GPR107: variants seen among roughly 807,000 people sequenced by gnomAD.
The protein encoded by GPR107 is protein GPR107.
In GPR107, 31 loss-of-function variants were observed where a neutral mutation model predicts 75.5. That is an observed-to-expected ratio of 0.41 (90% CI 0.31 to 0.55). GPR107 has a LOEUF of 0.55. Ranked by LOEUF, GPR107 falls within the 20% of genes least tolerant of loss-of-function variation. GPR107 has a pLI of 0.26. For synonymous variants in GPR107, 267 were observed against 251.3 expected, an observed-to-expected ratio of 1.06 and a Z score of -0.59; for missense variants, 572 against 665.7, an observed-to-expected ratio of 0.86 and a Z score of 1.55.
intron 15 of GPR107, 149 bp from the exon 16 acceptor site, chr9:130,127,334 C>T (rs1831712938): frequency 9.6e-6 from 6 of 625,950 alleles, no homozygotes; most frequent in African/African-American, 1.8e-5. Context: ...CTCTCCGCTG[C>T]ACGTATTAAT....
intron 14 of GPR107, among the ~76,000 whole-genome samples, chr9:130,110,039 C>T (rs115319483): frequency 0.019 from 2,937 of 152,268 alleles, 96 homozygotes; most frequent in African/African-American, 0.067. Context: ...TTTGCTCGAT[C>T]CTGCCCGTTG....
chr9:130,092,883 T>C (rs962279967), intron 9 of GPR107, among the ~76,000 whole-genome samples: 2 of 152,182 alleles, frequency 1.3e-5, no homozygotes, highest in Non-Finnish European at 2.9e-5. Context: ...CCTCCCAAAG[T>C]GCTGGGATTA....
intron 7 of GPR107, among the ~76,000 whole-genome samples, chr9:130,089,335 T>C (rs1439664887): frequency 1.3e-5 from 2 of 152,062 alleles, no homozygotes; most frequent in Non-Finnish European, 2.9e-5. Flanking sequence ...ATCCGCAGGG[T>C]TCTTGGGATG....
chr9:130,061,642 A>G (rs1829928863), intron 1 of GPR107, among the ~76,000 whole-genome samples: 1 of 152,148 alleles, frequency 6.6e-6, no homozygotes, highest in Admixed American at 6.6e-5. Flanking sequence ...AGACTGGAAG[A>G]GTAAGAATTA....
At chr9:130,104,675 T>C (rs1831120105) in intron 13 of GPR107, 125 bp downstream of exon 13, 7 of 779,324 alleles carry the variant, frequency 9.0e-6, no homozygotes, top group Admixed American at 2.4e-5. Context: ...GCTTTCTGAG[T>C]CCCAGACTGA....
chr9:130,097,521 TG>T lies in GPR107; in HGVS notation c.864-1934del, dbSNP rs1381296547. On this transcript the variant is annotated intron_variant, in intron 9 of 17. Transcript: ENST00000347136. ...GCATATAGGTTTATACGTCTACCAG[TG>T]GTGCATACATAATAAGGTTTGCTGT... Among the ~76,000 whole-genome samples, 4 of 152,286 alleles carry T rather than the reference TG, an allele frequency of 2.6e-5. No homozygotes were observed. The South Asian group carries it at 8.3e-4, about 32-fold the overall frequency.
chr9:130,096,613 G>A (rs919276936), intron 9 of GPR107, among the ~76,000 whole-genome samples: 2 of 151,744 alleles, frequency 1.3e-5, no homozygotes, highest in African/African-American at 2.4e-5. Flanking sequence ...GACTACAGGC[G>A]CCTGCCACCA....
chr9:130,122,810 G>A (rs760282227), intron 14 of GPR107, among the ~76,000 whole-genome samples: 3 of 152,132 alleles, frequency 2.0e-5, no homozygotes, highest in Non-Finnish European at 2.9e-5. Context: ...TTGCCTGCCT[G>A]AGCAACATAG....
At position 130,071,448 on chromosome 9, in the gene GPR107, A is replaced by G. The variant is rs184317377; in HGVS notation, c.142-4188A>G. Among the ~76,000 whole-genome samples, 135 of 152,028 alleles carry G rather than the reference A, an allele frequency of 8.9e-4. 1 individual carries two copies. The highest frequency in any genetic ancestry group is 3.2e-3 in the African/African-American group (131 of 41,472). ...TGAAAATGGCTCTCATATCAGATCT[A>G]GTTTGAAGCCCCAGCTTTATTAGCT... On this transcript the variant is annotated intron_variant, in intron 1 of 17. Coordinates refer to ENST00000347136, the MANE Select transcript of GPR107 (RefSeq NM_020960.5).
At chr9:130,080,471 G>GTTTGTTTGTTTATTTA (rs141234005) in intron 5 of GPR107, among the ~76,000 whole-genome samples, 11 of 146,690 alleles carry the variant, frequency 7.5e-5, no homozygotes, top group Admixed American at 4.8e-4. Context: ...AGGTATTCCT[G>GTTTGTTTGTTTATTTA]TTTATTTATT....
At chr9:130,113,673 G>A (rs1425009295) in intron 14 of GPR107, among the ~76,000 whole-genome samples, 1 of 152,204 alleles carries the variant, frequency 6.6e-6, no homozygotes, top group Non-Finnish European at 1.5e-5. Context: ...CCTGGCCAGT[G>A]CAGGATGTTC....
At position 130,117,104 on chromosome 9, in the gene GPR107, G is replaced by A. The variant is rs567181027; in HGVS notation, c.1307-7811G>A. 5.3e-5 allele frequency among the ~76,000 whole-genome samples: 8 copies of A among 152,050 alleles called. No individual in the cohort carries two copies. The East Asian group carries it at 9.7e-4, about 18-fold the overall frequency. ...TGGGATTACAGGCATGCACCACCAC[G>A]CCTGGTTAATTTTTGTATTTTTAGT... On this transcript the variant is annotated intron_variant, in intron 14 of 17. Coordinates refer to ENST00000347136, the MANE Select transcript of GPR107 (RefSeq NM_020960.5).
intron 1 of GPR107, among the ~76,000 whole-genome samples, chr9:130,066,760 C>T (rs973764875): frequency 1.3e-5 from 2 of 152,038 alleles, no homozygotes; most frequent in South Asian, 2.1e-4. Context: ...CCGAGGCAGG[C>T]AGATCACGAG....
At position 130,135,612 on chromosome 9, in the gene GPR107, GA is replaced by G. The variant is rs1426931704; in HGVS notation, c.*493del. 1 of 151,080 alleles carries G rather than the reference GA, an allele frequency of 6.6e-6. No homozygotes were observed. Among genetic ancestry groups the G allele is most frequent in the Non-Finnish European group, 1.5e-5 (1 of 68,552 alleles). The allele number at this position is 151,080 out of a possible 1,614,324, so 9.4% of individuals were successfully genotyped here. On this transcript the variant is annotated 3_prime_UTR_variant, in exon 18 of 18. Transcript: ENST00000347136. ...CATTGCCTGTTTGGGAGACAAAAAT[GA>G]ACGAAAACAGGTGACTTTGGAAAGC...
At chr9:130,064,849 A>G (rs1040246824) in intron 1 of GPR107, among the ~76,000 whole-genome samples, 2 of 152,108 alleles carry the variant, frequency 1.3e-5, no homozygotes, top group Non-Finnish European at 2.9e-5. Flanking sequence ...GGCAGCTGCA[A>G]ACCAAGAATG....
At chr9:130,069,346 T>G (rs1453986911) in intron 1 of GPR107, among the ~76,000 whole-genome samples, 1 of 152,152 alleles carries the variant, frequency 6.6e-6, no homozygotes, top group Non-Finnish European at 1.5e-5. Context: ...GTGTCAGTGC[T>G]AATGGAAATG....
intron 16 of GPR107, among the ~76,000 whole-genome samples, chr9:130,128,022 C>G (rs918184315): frequency 2.0e-5 from 3 of 152,156 alleles, no homozygotes; most frequent in African/African-American, 7.2e-5. Context: ...CTCTTCTGGC[C>G]TATAATTGAG....
intron 1 of GPR107, among the ~76,000 whole-genome samples, chr9:130,067,995 C>T (rs1830107594): frequency 1.3e-5 from 2 of 152,008 alleles, no homozygotes; most frequent in Admixed American, 1.3e-4. Context: ...CCACCTCAGC[C>T]CCCCAAAGTG....
intron 1 of GPR107, among the ~76,000 whole-genome samples, chr9:130,055,272 C>T (rs891209857): frequency 2.0e-5 from 3 of 150,138 alleles, no homozygotes; most frequent in African/African-American, 7.4e-5. Context: ...TCGAGACCAT[C>T]CTGGCTAGCA....
Sources: allele counts gnomAD v4.1 joint callset (sites outside exome capture counted in the v4.1 genomes callset), GRCh38; gene constraint gnomAD v4.1.1; transcripts MANE v1.5; gene names NCBI Gene and HGNC (gene_info 2026-07-23, HGNC 2026-07-21).